VWCE: variants seen among roughly 807,000 people sequenced by gnomAD.
The protein encoded by VWCE is von Willebrand factor C and EGF domains.
Under a neutral mutation model 102.9 loss-of-function variants are expected in VWCE, and 68 were observed. The ratio of observed to expected loss-of-function variants is 0.66; its 90% confidence interval spans 0.54 to 0.81. The LOEUF (loss-of-function observed/expected upper bound fraction) is 0.81. Among genes scored for constraint, VWCE ranks in the 30% least tolerant of loss-of-function variants. The pLI, the probability that VWCE is intolerant of heterozygous loss-of-function variation, is 0.00. For missense variants in VWCE, 1,137 were observed against 1,263.6 expected (o/e 0.90, Z 1.52); for synonymous variants, 497 against 515.4 (o/e 0.96, Z 0.48).
chr11:61,282,799 G>C lies in VWCE; in HGVS notation c.648C>G (p.His216Gln). The change falls in exon 6 of 20, where the codon CAC (histidine) becomes CAG (glutamine). Residue 216 changes from histidine to glutamine, a missense_variant. By Grantham distance (24) the His-to-Gln change is conservative. Around this residue, in one of 5 missense-constraint regions of VWCE, gnomAD observed 575 missense variants for 625.9 expected, o/e 0.92. Coordinates refer to ENST00000335613, the MANE Select transcript of VWCE (RefSeq NM_152718.2). ...TCCTCCCCGCCTTACCTACACAGGA[G>C]TGCCGGTTGCCATGAAGGTGGAAGC... ...RTGFHLHGNR[H>Q]SCVDVNECRR... 1 of 1,614,098 alleles carries C rather than the reference G, an allele frequency of 6.2e-7. No individual in the cohort carries two copies.
intron 6 of VWCE, among the ~76,000 whole-genome samples, chr11:61,282,176 T>A (rs774192675): frequency 1.3e-5 from 2 of 152,142 alleles, no homozygotes; most frequent in African/African-American, 2.4e-5. Flanking sequence ...CAGCGGTAAT[T>A]AATTGCTGCG....
In VWCE at chr11:61,264,366, G is replaced by A. The variant is rs7117493; in HGVS notation, c.2230+121C>T. ...ACAGCTGTACAACCTTGCGCGAGCC[G>A]TGTTCCCTCTCTGAACATGGCTTTC... On this transcript the variant is annotated intron_variant, in intron 19 of 19. Transcript: ENST00000335613. The A allele has an allele frequency of 2.4e-3, 2,424 of 994,046 alleles. 39 individuals are homozygous for A. The African/African-American group carries it at 0.034, about 14-fold the overall frequency. 61.6% of individuals were successfully genotyped at this position (994,046 alleles called of 1,614,324 possible). A position where few individuals can be genotyped will look rare whatever the true frequency, so the allele number is the denominator to read the frequency against.
chr11:61,273,706 A>C (rs1590630088), intron 12 of VWCE: 1 of 180,736 alleles, frequency 5.5e-6, no homozygotes, highest in Non-Finnish European at 1.2e-5. Context: ...GTCAGTGCCC[A>C]CCCAGGTCCT....
intron 13 of VWCE, 45 bp downstream of exon 13, chr11:61,273,154 C>T (rs376780074): frequency 5.0e-5 from 80 of 1,587,786 alleles, no homozygotes; most frequent in Non-Finnish European, 6.9e-5. Flanking sequence ...AGCCTCTCTC[C>T]CCAGTATCCA....
At chr11:61,279,978 C>T (rs1041170491) in intron 9 of VWCE, among the ~76,000 whole-genome samples, 5 of 152,220 alleles carry the variant, frequency 3.3e-5, no homozygotes, top group Admixed American at 6.5e-5. Context: ...CCGCCCACCT[C>T]GGCCTCCCAA....
Position 61,264,969 on chromosome 11 carries a change from C to G in VWCE, c.2126G>C (p.Arg709Pro), listed in dbSNP as rs761830360. The change falls in exon 18 of 20, where the codon CGG becomes CCG. Residue 709 changes from arginine (R) to proline (P), a missense_variant. Around this residue, in one of 5 missense-constraint regions of VWCE, gnomAD observed 316 missense variants for 319.3 expected, o/e 0.99. Coordinates refer to ENST00000335613, the MANE Select transcript of VWCE (RefSeq NM_152718.2). ...VFTLDDEPCT[R>P]CTCQLGEVSC... is the part of the protein sequence containing the mutation. ...GGCCCAGCTCACCTGGCACGTGCAC[C>G]GGGTGCAGGGTTCATCATCCAAGGT... 6.2e-7 allele frequency: 1 copy of G among 1,613,902 alleles called. No individual in the cohort carries two copies. The highest frequency in any genetic ancestry group is 1.1e-5 in the South Asian group (1 of 91,078).
At chr11:61,288,155 C>CAAA (rs397978316) in intron 4 of VWCE, among the ~76,000 whole-genome samples, 1,914 of 36,934 alleles carry the variant, frequency 0.052, 297 homozygotes, top group African/African-American at 0.16. Flanking sequence ...GACTCTGTCT[C>CAAA]AAAAAAAAAA....
chr11:61,265,128 AC>A lies in VWCE; in HGVS notation c.2049del (p.Cys684AlafsTer34), dbSNP rs1309577093. 1 of 1,606,958 alleles carries A rather than the reference AC, an allele frequency of 6.2e-7. No individual in the cohort carries two copies. The highest frequency in any genetic ancestry group is 8.5e-7 in the Non-Finnish European group (1 of 1,176,308). On this transcript the variant is annotated frameshift_variant, in exon 17 of 20. Coordinates refer to ENST00000335613, the MANE Select transcript of VWCE (RefSeq NM_152718.2). LOFTEE classifies it high-confidence loss of function. ...PFHPDGECCP[V>X]CRDCNYEGRK... ...GGCAGCTGGTCCCACTCACCTCGGC[AC>A]ACGGGGCAGCACTCCCCGTCAGGGT...
intron 13 of VWCE, among the ~76,000 whole-genome samples, chr11:61,272,315 G>C (rs938748808): frequency 1.3e-5 from 2 of 151,172 alleles, no homozygotes; most frequent in African/African-American, 2.4e-5. Context: ...CACACACACA[G>C]ATACTACTCA....
chr11:61,268,123 A>T (rs1435542054), intron 15 of VWCE, among the ~76,000 whole-genome samples: 4 of 150,460 alleles, frequency 2.7e-5, no homozygotes, highest in South Asian at 2.1e-4. Flanking sequence ...TATATATATT[A>T]TATATATAAT....
intron 1 of VWCE, among the ~76,000 whole-genome samples, chr11:61,292,781 G>A (rs1357312140): frequency 6.6e-6 from 1 of 152,168 alleles, no homozygotes; most frequent in Non-Finnish European, 1.5e-5. Flanking sequence ...AAATGCCACA[G>A]TGGGACAGAC....
chr11:61,263,263 C>T (rs1185220075), intron 19 of VWCE, among the ~76,000 whole-genome samples: 4 of 150,186 alleles, frequency 2.7e-5, no homozygotes, highest in African/African-American at 7.4e-5. Context: ...GCTGAGATCG[C>T]GCCACTGCAC....
chr11:61,271,586 A>T, intron 14 of VWCE, 89 bp downstream of exon 14: 1 of 1,303,342 alleles, frequency 7.7e-7, no homozygotes, highest in Non-Finnish European at 1.1e-6. Flanking sequence ...GCCTGAGGCC[A>T]GCCTCTGGAG....
At chr11:61,284,738 A>G (rs1462268307) in intron 5 of VWCE, among the ~76,000 whole-genome samples, 1 of 152,086 alleles carries the variant, frequency 6.6e-6, no homozygotes, top group Admixed American at 6.6e-5. Context: ...ATTTGAGGTC[A>G]GGAGTTCAAG....
At position 61,273,204 on chromosome 11, in the gene VWCE, G is replaced by A. The variant is rs747867782; in HGVS notation, c.1694C>T (p.Ser565Leu). The A allele has an allele frequency of 1.2e-5, 19 of 1,613,750 alleles. No individual in the cohort carries two copies. In the African/African-American group the frequency reaches 1.3e-4, roughly 11 times the overall value. Residue 565 changes from serine to leucine, a missense_variant, in exon 13 of 20, where the codon TCG becomes TTG. Coordinates refer to ENST00000335613, the MANE Select transcript of VWCE (RefSeq NM_152718.2). ...CCFTCQEPTP[S>L]TGCSLDDNGV... Reference sequence around the variant, plus strand: ...GCAGCCCTGGACCAGCTCACCTGTCGAGGGTGTGGGCTCCTGGCAGGTGAA... The same window carrying A: ...GCAGCCCTGGACCAGCTCACCTGTCAAGGGTGTGGGCTCCTGGCAGGTGAA...
Position 61,294,582 on chromosome 11 carries a change from T to TG in VWCE, c.110+345dup, listed in dbSNP as rs1855614599. Reference sequence around the variant, plus strand: ...TGCCCGGGCAGAGCCACGGGCACGCTGGGGGGTGAGCCAGCCAGTCCGGAG... The same window carrying TG: ...TGCCCGGGCAGAGCCACGGGCACGCTGGGGGGGTGAGCCAGCCAGTCCGGAG... On this transcript the variant is annotated intron_variant, in intron 1 of 19. Transcript: ENST00000335613. This position sits in a 1 kb window ranked among gnomAD's most constrained non-coding sequence, Gnocchi z 6.3. 6.6e-6 allele frequency among the ~76,000 whole-genome samples: 1 copy of TG among 152,016 alleles called. No individual in the cohort carries two copies. Among genetic ancestry groups the TG allele is most frequent in the Admixed American group, 6.5e-5 (1 of 15,278 alleles).
At chr11:61,279,666 A>G (rs968329645) in intron 9 of VWCE, among the ~76,000 whole-genome samples, 3 of 152,202 alleles carry the variant, frequency 2.0e-5, no homozygotes, top group Non-Finnish European at 2.9e-5. Flanking sequence ...CCTCAGTGTC[A>G]TATCACCAAG....
Position 61,281,104 on chromosome 11 carries a change from G to C in VWCE, c.919C>G (p.Pro307Ala), listed in dbSNP as rs776039885. Residue 307 changes from proline to alanine, a missense_variant, in exon 8 of 20, where the codon CCA (proline) becomes GCA (alanine). This residue lies in a region of VWCE where 575 missense variants were observed against 625.9 expected (regional missense o/e 0.92). Transcript: ENST00000335613. Reference sequence around the variant, plus strand: ...GTCCTGACTCCGGCTGGGGGCCCTGGAGCCCCAGAAGGAGGGCTATGTCCT... The same window carrying C: ...GTCCTGACTCCGGCTGGGGGCCCTGCAGCCCCAGAAGGAGGGCTATGTCCT... ...SPGHSPPSGA[P>A]GPPAGVRTTR... is the part of the protein sequence containing the mutation. The C allele has an allele frequency of 3.1e-6, 5 of 1,611,306 alleles. No homozygotes were observed. Among genetic ancestry groups the C allele is most frequent in the Admixed American group, 1.7e-5 (1 of 59,540 alleles).
In VWCE at chr11:61,281,817, G is replaced by GA; in HGVS notation, c.755dup (p.Arg253GlnfsTer5). The GA allele has an allele frequency of 6.2e-7, 1 of 1,613,824 alleles. No homozygotes were observed. Among genetic ancestry groups the GA allele is most frequent in the African/African-American group, 1.3e-5 (1 of 75,050 alleles). ...AGGACACGCGGTCAGCTCGGAGCCT[G>GA]AAGCCAGGTCGGCATGTGCATAGGA... On this transcript the variant is annotated frameshift_variant, in exon 7 of 20. Coordinates refer to ENST00000335613, the MANE Select transcript of VWCE (RefSeq NM_152718.2). LOFTEE classifies it high-confidence loss of function.
Sources: gnomAD v4.1 joint callset for allele counts (sites outside exome capture counted in the v4.1 genomes callset) on GRCh38, gnomAD v4.1.1 for gene constraint, gnomAD v4.1.1 regional missense constraint, Gnocchi (gnomAD v3.1) non-coding constraint, MANE v1.5 for transcripts, NCBI Gene and HGNC (gene_info 2026-07-23, HGNC 2026-07-21) for gene names.